The following DRC1 variants were observed in gnomAD, a reference collection of about 807,000 sequenced individuals.
DRC1 encodes the protein dynein regulatory complex protein 1.
Under a neutral mutation model 98.7 loss-of-function variants are expected in DRC1, and 74 were observed. The ratio of observed to expected loss-of-function variants is 0.75; its 90% CI spans 0.62 to 0.91. The LOEUF is 0.91. DRC1 is among the 40% of genes least tolerant of loss of function. The pLI, the probability that DRC1 is intolerant of heterozygous loss-of-function variation, is 0.00. For missense variants in DRC1, 875 were observed against 886.0 expected, an observed-to-expected ratio of 0.99 and a Z score of 0.16; for synonymous variants, 336 against 334.1, an observed-to-expected ratio of 1.01 and a Z score of -0.06.
rs749549177 is a variant in DRC1, at chr2:26,424,349, G to A, written c.435G>A (p.Lys145=). 1.2e-6 allele frequency: 2 copies of A among 1,613,902 alleles called. No homozygotes were observed. Among genetic ancestry groups the A allele is most frequent in the Admixed American group, 3.3e-5 (2 of 59,984 alleles). ...DEITSKWEEG[K]QKRIPQELWE... ...TCACCTCAAAGTGGGAAGAGGGCAA[G>A]CAGAAGAGAATTCCCCAAGAGCTGT... Residue 145 remains lysine, a synonymous_variant, in exon 4 of 17, where the codon AAG becomes AAA. Transcript: ENST00000288710.
chr2:26,428,760 T>C (rs1663350904), intron 4 of DRC1, among the ~76,000 whole-genome samples: 1 of 151,390 alleles, frequency 6.6e-6, no homozygotes, highest in Non-Finnish European at 1.5e-5. Flanking sequence ...ATCGAGCCAC[T>C]ACACTCCAGC....
intron 16 of DRC1, 80 bp from the exon 17 acceptor site, chr2:26,456,381 A>C (rs1354854814): frequency 6.4e-7 from 1 of 1,567,834 alleles, no homozygotes; most frequent in Non-Finnish European, 8.8e-7. Context: ...GGCCCATGGG[A>C]GAGCCAGCGT....
chr2:26,445,812 C>T (rs1197445019), intron 10 of DRC1, among the ~76,000 whole-genome samples: 1 of 152,040 alleles, frequency 6.6e-6, no homozygotes. Flanking sequence ...GTGCGCACTG[C>T]CACACCTGGC....
chr2:26,436,481 T>A (rs535671665), intron 7 of DRC1, among the ~76,000 whole-genome samples: 3 of 150,566 alleles, frequency 2.0e-5, no homozygotes, highest in Admixed American at 6.6e-5. Context: ...CTGGCTAATT[T>A]AAATTTTTTT....
intron 2 of DRC1, 38 bp downstream of exon 2, chr2:26,414,469 T>C: frequency 6.3e-7 from 1 of 1,585,762 alleles, no homozygotes; most frequent in Non-Finnish European, 8.6e-7. Context: ...GGAAGACCAG[T>C]GAGCTGGGTG....
intron 1 of DRC1, among the ~76,000 whole-genome samples, chr2:26,413,636 T>C (rs1157291607): frequency 2.0e-5 from 3 of 152,230 alleles, no homozygotes; most frequent in African/African-American, 7.2e-5. Flanking sequence ...GGAAACTGCC[T>C]GTTCATATCC....
chr2:26,426,281 C>A (rs74977044), intron 4 of DRC1, among the ~76,000 whole-genome samples: 1 of 151,994 alleles, frequency 6.6e-6, no homozygotes, highest in Admixed American at 6.6e-5. Flanking sequence ...TATTTCTGGG[C>A]TCTCTAGTTC....
intron 7 of DRC1, among the ~76,000 whole-genome samples, chr2:26,437,735 C>T (rs767875868): frequency 1.5e-4 from 23 of 151,906 alleles, no homozygotes; most frequent in South Asian, 2.1e-4. Context: ...CACACACACA[C>T]GACTGTAGGG....
intron 10 of DRC1, chr2:26,448,315 A>G (rs1032718605): frequency 8.3e-6 from 4 of 482,668 alleles, no homozygotes; most frequent in African/African-American, 2.0e-5. Flanking sequence ...TTGCAGGTTT[A>G]GAGACTATAT....
intron 5 of DRC1, chr2:26,430,362 C>A (rs765012533): frequency 2.7e-6 from 1 of 367,588 alleles, no homozygotes; most frequent in Non-Finnish European, 5.5e-6. Flanking sequence ...GTTAGAGACT[C>A]ATTTCTGCAT....
chr2:26,447,967 G>A (rs1663901421), intron 10 of DRC1, among the ~76,000 whole-genome samples: 2 of 151,188 alleles, frequency 1.3e-5, no homozygotes, highest in Non-Finnish European at 1.5e-5. Flanking sequence ...GCTCATGCCT[G>A]TAATCTCAGC....
chr2:26,411,763 C>T (rs1304926244), intron 1 of DRC1, among the ~76,000 whole-genome samples: 3 of 151,406 alleles, frequency 2.0e-5, no homozygotes, highest in Non-Finnish European at 4.4e-5. Context: ...CTCCACTGCA[C>T]TGCAGCCTGG....
chr2:26,445,623 T>C (rs1244436376), intron 10 of DRC1, among the ~76,000 whole-genome samples: 2 of 152,212 alleles, frequency 1.3e-5, no homozygotes, highest in Admixed American at 1.3e-4. Context: ...TATTGGCTTC[T>C]GGGTCCTTTT....
At chr2:26,429,318 C>A (rs184817462) in intron 4 of DRC1, among the ~76,000 whole-genome samples, 1 of 151,832 alleles carries the variant, frequency 6.6e-6, no homozygotes, top group African/African-American at 2.4e-5. Flanking sequence ...TGGGCTCAAG[C>A]GATCCTCCCA....
intron 10 of DRC1, among the ~76,000 whole-genome samples, chr2:26,445,722 G>A (rs920672091): frequency 6.6e-6 from 1 of 152,008 alleles, no homozygotes; most frequent in African/African-American, 2.4e-5. Flanking sequence ...GCAGTGGCGC[G>A]ATCTGGGCTC....
At chr2:26,439,838 G>T (rs1273008652) in intron 7 of DRC1, among the ~76,000 whole-genome samples, 1 of 149,070 alleles carries the variant, frequency 6.7e-6, no homozygotes, top group Non-Finnish European at 1.5e-5. Flanking sequence ...AAAAATGCAG[G>T]CTGAGGCACT....
At chr2:26,436,871 G>A (rs78675355) in intron 7 of DRC1, among the ~76,000 whole-genome samples, 14,187 of 152,158 alleles carry the variant, frequency 0.093, 1,673 homozygotes, top group East Asian at 0.57. Context: ...CCCCACATGG[G>A]TCAGTTCCCG....
At chr2:26,452,209 AC>A (rs1664025065) in intron 13 of DRC1, among the ~76,000 whole-genome samples, 1 of 152,226 alleles carries the variant, frequency 6.6e-6, no homozygotes, top group African/African-American at 2.4e-5. Flanking sequence ...TCCATTGAGG[AC>A]AGTTTGGCAG....
Position 26,424,467 on chromosome 2 carries a change from G to C in DRC1, c.540+13G>C, listed in dbSNP as rs762497843. 6.3e-7 allele frequency: 1 copy of C among 1,597,858 alleles called. No individual in the cohort carries two copies. Among genetic ancestry groups the C allele is most frequent in the Non-Finnish European group, 8.6e-7 (1 of 1,168,752 alleles). On this transcript the variant is annotated intron_variant, in intron 4 of 16. Coordinates refer to ENST00000288710, the MANE Select transcript of DRC1 (RefSeq NM_145038.5). ...CGAGTTACAGCAGGCAAGAGGCCCG[G>C]GCCCTCCAGCCCAGCCACAGGGGAT... is the stretch of plus-strand genomic sequence containing the variant.
Sources: allele counts gnomAD v4.1 joint callset (sites outside exome capture counted in the v4.1 genomes callset), GRCh38; gene constraint gnomAD v4.1.1; transcripts MANE v1.5; gene names NCBI Gene and HGNC (gene_info 2026-07-23, HGNC 2026-07-21).